The following SND1 variants were observed in gnomAD, a reference collection of about 807,000 sequenced individuals.
SND1 encodes the protein staphylococcal nuclease domain-containing protein 1.
SND1 carries 38 observed loss-of-function variants against 121.7 expected under a neutral mutation model. The ratio of observed to expected loss-of-function variants is 0.31; its 90% CI spans 0.24 to 0.41. The LOEUF is 0.41. SND1 is among the 10% of genes least tolerant of loss of function. The pLI, the probability that SND1 is intolerant of heterozygous loss-of-function variation, is 1.00. For missense variants in SND1, 868 were observed against 1,184.6 expected, an observed-to-expected ratio of 0.73 and a Z score of 3.92; for synonymous variants, 401 against 447.4, an observed-to-expected ratio of 0.90 and a Z score of 1.31.
intron 1 of SND1, among the ~76,000 whole-genome samples, chr7:127,672,431 G>A (rs570444948): frequency 3.0e-4 from 46 of 151,928 alleles, no homozygotes; most frequent in African/African-American, 1.1e-3. Context: ...TCAACATGGC[G>A]AAATCCTGTC....
chr7:127,922,657 T>C (rs1800744409), intron 14 of SND1, among the ~76,000 whole-genome samples: 1 of 152,204 alleles, frequency 6.6e-6, no homozygotes, highest in South Asian at 2.1e-4. Flanking sequence ...ATCCTTGCAC[T>C]ACTTTGCCCT....
At chr7:128,086,787 C>G (rs1487184467) in intron 20 of SND1, 151 bp from the exon 21 acceptor site, 7 of 696,170 alleles carry the variant, frequency 1.0e-5, no homozygotes, top group Non-Finnish European at 1.8e-5. Context: ...CACTGGGGAG[C>G]CTTTGTACAT....
At chr7:127,927,255 G>A (rs1307927501) in intron 14 of SND1, among the ~76,000 whole-genome samples, 1 of 152,208 alleles carries the variant, frequency 6.6e-6, no homozygotes, top group Non-Finnish European at 1.5e-5. Context: ...AAAGGATAGT[G>A]ATGAGTAGAA....
At chr7:127,688,409 C>G (rs1200735097) in intron 2 of SND1, among the ~76,000 whole-genome samples, 1 of 151,958 alleles carries the variant, frequency 6.6e-6, no homozygotes, top group African/African-American at 2.4e-5. Flanking sequence ...CTTTGGCTGT[C>G]AGAAATGAAA....
At chr7:127,893,285 C>T (rs975296) in intron 13 of SND1, among the ~76,000 whole-genome samples, 32,344 of 151,958 alleles carry the variant, frequency 0.21, 3,992 homozygotes, top group Middle Eastern at 0.32. Context: ...ATGTTATGGA[C>T]ACTGAATACA....
intron 12 of SND1, among the ~76,000 whole-genome samples, chr7:127,868,037 A>G (rs1799512179): frequency 6.6e-6 from 1 of 152,192 alleles, no homozygotes; most frequent in South Asian, 2.1e-4. Flanking sequence ...TACTCCGTCT[A>G]AAATCTGAAT....
chr7:127,663,498 A>G lies in SND1; in HGVS notation c.78+11047A>G, dbSNP rs1394237637. ...GTGACTCCCCTGCCTCAGCCTCCCA[A>G]GTAGCTGGGACTACAGGTGCATGCC... is the stretch of plus-strand genomic sequence containing the variant. On this transcript the variant is annotated intron_variant, in intron 1 of 23. Transcript: ENST00000354725. Among the ~76,000 whole-genome samples the G allele has an allele frequency of 2.0e-5, 3 of 151,984 alleles. No individual in the cohort carries two copies. The East Asian group carries it at 5.8e-4, about 30-fold the overall frequency.
At chr7:128,062,527 C>A (rs945977728) in intron 16 of SND1, among the ~76,000 whole-genome samples, 1 of 152,112 alleles carries the variant, frequency 6.6e-6, no homozygotes, top group Non-Finnish European at 1.5e-5. Context: ...AATTGTTTGG[C>A]GTTTCTTATA....
intron 14 of SND1, among the ~76,000 whole-genome samples, chr7:127,917,959 A>G (rs1800619642): frequency 1.3e-5 from 2 of 152,180 alleles, no homozygotes; most frequent in African/African-American, 4.8e-5. Context: ...TGAATGTTGA[A>G]TGCTGACACT....
intron 9 of SND1, among the ~76,000 whole-genome samples, chr7:127,712,109 AAC>A (rs902268662): frequency 1.3e-5 from 2 of 152,098 alleles, no homozygotes; most frequent in African/African-American, 4.8e-5. Context: ...AAGATATTAA[AAC>A]ACTGAGTTTA....
intron 15 of SND1, among the ~76,000 whole-genome samples, chr7:127,960,546 C>T (rs1801707897): frequency 6.6e-6 from 1 of 152,186 alleles, no homozygotes; most frequent in Non-Finnish European, 1.5e-5. Flanking sequence ...ATTGAGTCTC[C>T]ACCTGAGGTT....
chr7:128,075,922 T>C (rs998974646), intron 17 of SND1, among the ~76,000 whole-genome samples: 2 of 152,192 alleles, frequency 1.3e-5, no homozygotes, highest in African/African-American at 4.8e-5. Flanking sequence ...GCCACCCCCA[T>C]GTCCTCTGCC....
intron 16 of SND1, among the ~76,000 whole-genome samples, chr7:127,994,549 CAAAAAAAAAAAAAAAAAAAAAAA>C (rs563548702): frequency 1.7e-4 from 8 of 46,238 alleles, no homozygotes; most frequent in Non-Finnish European, 2.3e-4. Context: ...CACTTTTACT[CAAAAAAAAAAAAAAAAAAAAAAA>C]AAAAAAAAAA....
At chr7:127,852,157 C>A (rs1430291835) in intron 12 of SND1, among the ~76,000 whole-genome samples, 1 of 136,222 alleles carries the variant, frequency 7.3e-6, no homozygotes, top group Non-Finnish European at 1.7e-5. Flanking sequence ...AAGACTCAGT[C>A]TCCAAAAAAA....
intron 15 of SND1, among the ~76,000 whole-genome samples, chr7:127,939,354 G>A (rs757447887): frequency 1.3e-5 from 2 of 152,178 alleles, no homozygotes; most frequent in Non-Finnish European, 1.5e-5. Flanking sequence ...AGACTTCCAT[G>A]ACATAATCTA....
chr7:127,811,975 C>T (rs1025900675), intron 11 of SND1, among the ~76,000 whole-genome samples: 1 of 152,158 alleles, frequency 6.6e-6, no homozygotes, highest in South Asian at 2.1e-4. Context: ...TGGGTTCTCT[C>T]TTCATAGTAA....
At chr7:128,022,204 C>CAAAAAAA (rs58371490) in intron 16 of SND1, among the ~76,000 whole-genome samples, 4 of 74,142 alleles carry the variant, frequency 5.4e-5, no homozygotes, top group Non-Finnish European at 1.1e-4. Flanking sequence ...GACTCTCTCT[C>CAAAAAAA]AAAAAAAAAA....
intron 10 of SND1, among the ~76,000 whole-genome samples, chr7:127,766,747 G>A (rs1226792619): frequency 9.8e-6 from 1 of 102,268 alleles, no homozygotes; most frequent in Non-Finnish European, 1.8e-5. Context: ...ACTCCAGCCT[G>A]GGTGACAAAG....
intron 16 of SND1, among the ~76,000 whole-genome samples, chr7:128,016,449 G>A (rs1369848094): frequency 6.6e-6 from 1 of 152,158 alleles, no homozygotes; most frequent in Non-Finnish European, 1.5e-5. Flanking sequence ...GGCCTGAAGA[G>A]GCATCTGCTC....
Sources: gnomAD v4.1 joint callset for allele counts (sites outside exome capture counted in the v4.1 genomes callset) on GRCh38, gnomAD v4.1.1 for gene constraint, MANE v1.5 for transcripts, NCBI Gene and HGNC (gene_info 2026-07-23, HGNC 2026-07-21) for gene names.